Variants in DOCK1 observed in about 807,000 individuals in gnomAD.
DOCK1 encodes the protein dedicator of cytokinesis protein 1.
Under a neutral mutation model 262.7 loss-of-function variants are expected in DOCK1, and 138 were observed. The observed-to-expected ratio is 0.53, with a 90% CI of 0.46 to 0.61. The LOEUF (loss-of-function observed/expected upper bound fraction) is 0.61, where lower values mean the gene tolerates loss of function less well. DOCK1 is among the 20% of genes least tolerant of loss of function. DOCK1 has a pLI of 0.00. For synonymous variants in DOCK1, 866 were observed against 867.4 expected (o/e 1.00, Z 0.03); for missense variants, 1,908 against 2,370.7 (o/e 0.80, Z 4.05).
At position 126,955,814 on chromosome 10, in the gene DOCK1, T is replaced by A. The variant is rs983884971; in HGVS notation, c.47-14888T>A. 2.0e-5 allele frequency among the ~76,000 whole-genome samples: 3 copies of A among 152,174 alleles called. No individual in the cohort carries two copies. In the South Asian group the frequency reaches 6.2e-4, roughly 32 times the overall value. The stretch of plus-strand genomic sequence containing the variant: ...CTGTGAAGGGCGGCTTACCACACAC[T>A]TTTTGGGTGCTCTCTAGGGAAGGAA... On this transcript the variant is annotated intron_variant, in intron 1 of 51. Coordinates refer to ENST00000623213, the MANE Select transcript of DOCK1 (RefSeq NM_001290223.2).
intron 24 of DOCK1, among the ~76,000 whole-genome samples, chr10:127,106,994 G>A (rs1274644583): frequency 6.6e-6 from 1 of 152,074 alleles, no homozygotes; most frequent in Non-Finnish European, 1.5e-5. Flanking sequence ...GTCTCACTCT[G>A]TTGCCCAGGC....
chr10:127,293,678 A>G (rs1177322104), intron 29 of DOCK1, among the ~76,000 whole-genome samples: 2 of 152,214 alleles, frequency 1.3e-5, no homozygotes, highest in African/African-American at 2.4e-5. Context: ...TGCCTGCCCT[A>G]TGAACCAGAA....
intron 27 of DOCK1, chr10:127,145,927 C>G (rs370116607): frequency 2.0e-6 from 1 of 496,006 alleles, no homozygotes; most frequent in Non-Finnish European, 4.0e-6. Context: ...TGCAGGAGGT[C>G]CCTTCTCAAA....
At chr10:127,042,990 A>C in intron 20 of DOCK1, 74 bp from the exon 21 acceptor site, 1 of 1,182,850 alleles carries the variant, frequency 8.5e-7, no homozygotes, top group South Asian at 1.4e-5. Flanking sequence ...ACAGGGGTGC[A>C]GATGGTTCTG....
At chr10:127,319,636 A>T (rs2062432048) in intron 29 of DOCK1, among the ~76,000 whole-genome samples, 1 of 152,276 alleles carries the variant, frequency 6.6e-6, no homozygotes, top group African/African-American at 2.4e-5. Context: ...GGTGAATACG[A>T]TTTACTAGAC....
intron 42 of DOCK1, 85 bp downstream of exon 42, chr10:127,409,476 G>A: frequency 6.9e-7 from 1 of 1,441,322 alleles, no homozygotes; most frequent in Non-Finnish European, 9.7e-7. Flanking sequence ...CCTTTTAAAG[G>A]ACGGACTTTG....
At chr10:126,935,482 C>T (rs1356336126) in intron 1 of DOCK1, among the ~76,000 whole-genome samples, 6 of 152,196 alleles carry the variant, frequency 3.9e-5, no homozygotes, top group Middle Eastern at 3.2e-3. Flanking sequence ...GTCTGGCCTG[C>T]CCTGCCCTCT....
At chr10:127,105,863 G>A (rs1288360686) in intron 23 of DOCK1, among the ~76,000 whole-genome samples, 1 of 152,128 alleles carries the variant, frequency 6.6e-6, no homozygotes, top group Non-Finnish European at 1.5e-5. Context: ...GGGCTCAGGT[G>A]ATTCTCCTGC....
At chr10:127,374,668 G>T (rs189902874) in intron 35 of DOCK1, among the ~76,000 whole-genome samples, 7 of 152,306 alleles carry the variant, frequency 4.6e-5, no homozygotes, top group Admixed American at 3.3e-4. Flanking sequence ...TCTCAGATGG[G>T]ATTATCCTGG....
chr10:127,402,736 C>T (rs760397131), intron 38 of DOCK1: 54 of 547,506 alleles, frequency 9.9e-5, no homozygotes, highest in South Asian at 5.2e-4. Context: ...CTCCGACAGA[C>T]GGGCTTCGGG....
chr10:126,954,152 G>A (rs1289769289), intron 1 of DOCK1, among the ~76,000 whole-genome samples: 2 of 152,216 alleles, frequency 1.3e-5, no homozygotes, highest in African/African-American at 2.4e-5. Flanking sequence ...TGGTGCAAAA[G>A]CAATCTTATT....
At chr10:127,346,795 G>T (rs148674053) in intron 31 of DOCK1, among the ~76,000 whole-genome samples, 1 of 152,106 alleles carries the variant, frequency 6.6e-6, no homozygotes, top group African/African-American at 2.4e-5. Context: ...TTGTCACAAC[G>T]ATAGCAACAG....
At chr10:127,262,595 TC>T (rs34046723) in intron 29 of DOCK1, among the ~76,000 whole-genome samples, 50,278 of 152,062 alleles carry the variant, frequency 0.33, 9,601 homozygotes, top group South Asian at 0.56. Flanking sequence ...GTTATTGCCT[TC>T]ATGTGGTAAG....
chr10:127,350,274 A>C (rs950823451), intron 31 of DOCK1, among the ~76,000 whole-genome samples: 1 of 149,828 alleles, frequency 6.7e-6, no homozygotes, highest in African/African-American at 2.5e-5. Flanking sequence ...CTTTAAAAAA[A>C]ACCTGCCTCC....
In DOCK1 at chr10:127,052,764, C is replaced by T. The variant is rs765597446; in HGVS notation, c.2285C>T (p.Ala762Val). 1 of 1,613,912 alleles carries T rather than the reference C, an allele frequency of 6.2e-7. No individual in the cohort carries two copies. Among genetic ancestry groups the T allele is most frequent in the Middle Eastern group, 1.6e-4 (1 of 6,062 alleles). The change falls in exon 22 of 52, where the codon GCG becomes GTG. Residue 762 changes from alanine (A) to valine (V), a missense_variant. Around this residue, in one of 9 missense-constraint regions of DOCK1, gnomAD observed 518 missense variants for 575.1 expected, o/e 0.90. Transcript: ENST00000623213. ...VNEQLYKAMK[A>V]LESIFKFIVR... Reference sequence around the variant, plus strand: ...GAGCAGCTGTACAAAGCCATGAAAGCGCTAGAATCCATCTTCAAGTTCATC... The same window carrying T: ...GAGCAGCTGTACAAAGCCATGAAAGTGCTAGAATCCATCTTCAAGTTCATC...
intron 1 of DOCK1, among the ~76,000 whole-genome samples, chr10:126,925,572 C>A (rs942154863): frequency 6.6e-6 from 1 of 151,958 alleles, no homozygotes; most frequent in African/African-American, 2.4e-5. Context: ...TTAATAGAGA[C>A]GGGATTTCAC....
chr10:127,329,255 C>A (rs1344602497), intron 29 of DOCK1, among the ~76,000 whole-genome samples: 4 of 152,172 alleles, frequency 2.6e-5, no homozygotes, highest in Non-Finnish European at 4.4e-5. Context: ...GGCACGGTCA[C>A]CCTGACCTCC....
Position 127,176,500 on chromosome 10 carries a change from C to T in DOCK1, c.2847+48736C>T. On this transcript the variant is annotated intron_variant, in intron 27 of 51. Coordinates refer to ENST00000623213, the MANE Select transcript of DOCK1 (RefSeq NM_001290223.2). This position sits in a 1 kb window ranked among gnomAD's most constrained non-coding sequence, Gnocchi z 4.4. The stretch of plus-strand genomic sequence containing the variant: ...AGCCACCACGACGACTGCCTGTTTC[C>T]TAATTATATTTAAGCAGGTGAGGTC... 1 of 981,084 alleles carries T rather than the reference C, an allele frequency of 1.0e-6. No homozygotes were observed. The highest frequency in any genetic ancestry group is 1.6e-5 in the South Asian group (1 of 61,832). The allele number at this position is 981,084 out of a possible 1,614,324, so 60.8% of individuals were successfully genotyped here.
intron 5 of DOCK1, 80 bp downstream of exon 5, chr10:126,987,697 T>G (rs2039508581): frequency 7.9e-7 from 1 of 1,270,848 alleles, no homozygotes; most frequent in Non-Finnish European, 1.1e-6. Context: ...TGGGATGTTT[T>G]TTTTTCTCAG....
Sources: allele counts gnomAD v4.1 joint callset (sites outside exome capture counted in the v4.1 genomes callset), GRCh38; gene constraint gnomAD v4.1.1; regional missense constraint gnomAD v4.1.1; non-coding constraint Gnocchi (gnomAD v3.1); transcripts MANE v1.5; gene names NCBI Gene and HGNC (gene_info 2026-07-23, HGNC 2026-07-21).